Variants in LARP1B observed in about 807,000 individuals in gnomAD.
The protein encoded by LARP1B is la-related protein 1B.
A neutral mutation model predicts 114.2 loss-of-function variants in LARP1B; 76 were observed. That is an observed-to-expected ratio of 0.67 (90% CI 0.55 to 0.81). LARP1B has a LOEUF of 0.81. Ranked by LOEUF, LARP1B falls within the 30% of genes least tolerant of loss-of-function variation. The pLI, the probability that LARP1B is intolerant of heterozygous loss-of-function variation, is 0.00. For synonymous variants in LARP1B, 345 were observed against 348.0 expected, an observed-to-expected ratio of 0.99 and a Z score of 0.10; for missense variants, 1,014 against 1,075.8, an observed-to-expected ratio of 0.94 and a Z score of 0.80.
chr4:128,094,032 T>A (rs1038626452), intron 7 of LARP1B, among the ~76,000 whole-genome samples: 30 of 151,690 alleles, frequency 2.0e-4, no homozygotes, highest in African/African-American at 6.8e-4. Flanking sequence ...AAAAACATTT[T>A]AAAAACTTTT....
At chr4:128,137,676 C>G (rs760761934) in intron 11 of LARP1B, among the ~76,000 whole-genome samples, 1 of 151,304 alleles carries the variant, frequency 6.6e-6, no homozygotes, top group Non-Finnish European at 1.5e-5. Context: ...ATTTATATAT[C>G]TATCACCTCA....
chr4:128,126,997 A>T (rs192763772), intron 11 of LARP1B, among the ~76,000 whole-genome samples: 1 of 152,306 alleles, frequency 6.6e-6, no homozygotes, highest in Admixed American at 6.5e-5. Context: ...GCCAGAAAAA[A>T]AAGAGATTAC....
intron 9 of LARP1B, among the ~76,000 whole-genome samples, chr4:128,114,341 G>A (rs1005848677): frequency 1.3e-5 from 2 of 152,158 alleles, no homozygotes; most frequent in South Asian, 2.1e-4. Context: ...TTACATGAAT[G>A]TAGTGGTCTG....
intron 11 of LARP1B, chr4:128,155,666 G>A: frequency 1.3e-6 from 2 of 1,586,520 alleles, no homozygotes; most frequent in Non-Finnish European, 1.7e-6. Context: ...CCAGTGGTGT[G>A]TCCAAGGCCT....
Position 128,162,250 on chromosome 4 carries a change from C to T in LARP1B, c.1581C>T (p.Asn527=), listed in dbSNP as rs143788464. 5.2e-4 allele frequency: 841 copies of T among 1,612,832 alleles called. 3 individuals are homozygous for T. In the African/African-American group the frequency reaches 1.0e-2, roughly 19 times the overall value. ...LNLISKEQFE[N]LTPELPFEPN... ...TCATTAGTAAAGAGCAGTTTGAAAA[C>T]CTAACACCTGAACTTCCTTTTGAGC... The change falls in exon 12 of 20, where the codon AAC becomes AAT. Residue 527 remains asparagine (N), a synonymous_variant. Coordinates refer to ENST00000326639, the MANE Select transcript of LARP1B (RefSeq NM_018078.4).
At chr4:128,181,797 T>G (rs1469320099) in intron 15 of LARP1B, among the ~76,000 whole-genome samples, 1 of 137,236 alleles carries the variant, frequency 7.3e-6, no homozygotes, top group Non-Finnish European at 1.5e-5. Context: ...ATTATTATGA[T>G]GTCCTTTTTT....
intron 11 of LARP1B, among the ~76,000 whole-genome samples, chr4:128,136,249 C>T (rs1202970916): frequency 2.6e-5 from 4 of 151,252 alleles, no homozygotes; most frequent in South Asian, 2.1e-4. Flanking sequence ...GCTGAGATTG[C>T]GCCATCGTAC....
rs936476406 is a variant in LARP1B, at chr4:128,180,846, G to A, written c.2003+1334G>A. On this transcript the variant is annotated intron_variant, in intron 15 of 19. Coordinates refer to ENST00000326639, the MANE Select transcript of LARP1B (RefSeq NM_018078.4). ...AGAAACTGCCAAACTGTTTTCCAAA[G>A]TGGCCCTATCATTTTGCATTCTCAC... Among the ~76,000 whole-genome samples, 6 of 152,292 alleles carry A rather than the reference G, an allele frequency of 3.9e-5. 1 individual carries two copies. Among genetic ancestry groups the A allele is most frequent in the Admixed American group, 3.9e-4 (6 of 15,298 alleles).
chr4:128,178,619 G>A lies in LARP1B; in HGVS notation c.1873G>A (p.Glu625Lys), dbSNP rs1265670446. 6.2e-7 allele frequency: 1 copy of A among 1,613,680 alleles called. No individual in the cohort carries two copies. Among genetic ancestry groups the A allele is most frequent in the Non-Finnish European group, 8.5e-7 (1 of 1,179,818 alleles). ...KTPRFYPVVK[E>K]PKAIDVKSPR... ...ACCAAGATTTTATCCTGTTGTTAAA[G>A]AACCAAAAGCCATTGATGTAAAGGT... Residue 625 changes from glutamate (E) to lysine (K), a missense_variant, in exon 14 of 20, where the codon GAA (glutamate) becomes AAA (lysine). Coordinates refer to ENST00000326639, the MANE Select transcript of LARP1B (RefSeq NM_018078.4).
Position 128,088,317 on chromosome 4 carries a change from A to G in LARP1B, c.359-2684A>G, listed in dbSNP as rs528452164. Reference sequence around the variant, plus strand: ...GCAATTTCATCCCATTGTCTCGGAAAAAATGAGCTTAAGTGCATTGGTTTC... The same window carrying G: ...GCAATTTCATCCCATTGTCTCGGAAGAAATGAGCTTAAGTGCATTGGTTTC... On this transcript the variant is annotated intron_variant, in intron 5 of 19. Coordinates refer to ENST00000326639, the MANE Select transcript of LARP1B (RefSeq NM_018078.4). Among the ~76,000 whole-genome samples, 8 of 152,334 alleles carry G rather than the reference A, an allele frequency of 5.3e-5. No individual in the cohort carries two copies. In the South Asian group the frequency reaches 1.4e-3, roughly 28 times the overall value.
intron 11 of LARP1B, among the ~76,000 whole-genome samples, chr4:128,129,382 C>G (rs545713515): frequency 2.7e-5 from 4 of 148,378 alleles, no homozygotes; most frequent in Admixed American, 1.4e-4. Context: ...GTAAATAAAT[C>G]GAGAAACATT....
chr4:128,129,823 GA>G (rs199670384), intron 11 of LARP1B, among the ~76,000 whole-genome samples: 1,853 of 142,104 alleles, frequency 0.013, 35 homozygotes, highest in African/African-American at 0.042. Flanking sequence ...GCATTGAGGT[GA>G]AAAAAAAAAA....
intron 12 of LARP1B, among the ~76,000 whole-genome samples, chr4:128,171,616 T>C (rs1031802861): frequency 1.3e-5 from 2 of 152,218 alleles, no homozygotes; most frequent in African/African-American, 4.8e-5. Flanking sequence ...CTATTTGTGA[T>C]GTTTCAGGTT....
intron 1 of LARP1B, among the ~76,000 whole-genome samples, chr4:128,074,133 T>C (rs1766863151): frequency 6.6e-6 from 1 of 151,484 alleles, no homozygotes. Flanking sequence ...AGAGACGGGG[T>C]TTCTCCATGT....
intron 13 of LARP1B, among the ~76,000 whole-genome samples, 175 bp downstream of exon 13, chr4:128,177,082 A>G (rs547853942): frequency 6.6e-6 from 1 of 152,220 alleles, no homozygotes; most frequent in Non-Finnish European, 1.5e-5. Context: ...GTGGAAAATG[A>G]CAACAGATGA....
At chr4:128,208,327 CAAA>C (rs113495376) in intron 19 of LARP1B, among the ~76,000 whole-genome samples, 3 of 56,500 alleles carry the variant, frequency 5.3e-5, no homozygotes, top group Non-Finnish European at 3.6e-5. Context: ...GACTCTGTCT[CAAA>C]AAAAAAAAAA....
chr4:128,084,903 C>T (rs76865119), intron 5 of LARP1B, among the ~76,000 whole-genome samples: 2,599 of 151,818 alleles, frequency 0.017, 58 homozygotes, highest in East Asian at 0.092. Context: ...GTTCTGTTGC[C>T]CAGGTTGGAG....
chr4:128,129,825 A>G (rs1790987281), intron 11 of LARP1B, among the ~76,000 whole-genome samples: 1 of 146,580 alleles, frequency 6.8e-6, no homozygotes, highest in Non-Finnish European at 1.5e-5. Flanking sequence ...ATTGAGGTGA[A>G]AAAAAAAAAA....
intron 7 of LARP1B, among the ~76,000 whole-genome samples, chr4:128,096,326 C>G (rs1357870772): frequency 6.6e-6 from 1 of 152,142 alleles, no homozygotes; most frequent in Admixed American, 6.6e-5. Flanking sequence ...GTATTTCTCT[C>G]TCTTTAACCT....
Sources: gnomAD v4.1 joint callset for allele counts (sites outside exome capture counted in the v4.1 genomes callset) on GRCh38, gnomAD v4.1.1 for gene constraint, MANE v1.5 for transcripts, NCBI Gene and HGNC (gene_info 2026-07-23, HGNC 2026-07-21) for gene names.